The following PIK3C2A variants were observed in gnomAD, a reference collection of about 807,000 sequenced individuals.
PIK3C2A encodes phosphatidylinositol-4-phosphate 3-kinase catalytic subunit type 2 alpha.
Under a neutral mutation model 204.5 loss-of-function variants are expected in PIK3C2A, and 97 were observed. The ratio of observed to expected loss-of-function variants is 0.47; its 90% CI spans 0.40 to 0.56. The LOEUF (loss-of-function observed/expected upper bound fraction) is 0.56, where lower values mean the gene tolerates loss of function less well. Among genes scored for constraint, PIK3C2A ranks in the 20% least tolerant of loss-of-function variants. The probability of loss-of-function intolerance (pLI) is 0.00; values close to 1 mark genes in which losing one functional copy is unlikely to be tolerated. For synonymous variants in PIK3C2A, 653 were observed against 664.4 expected, an observed-to-expected ratio of 0.98 and a Z score of 0.26; for missense variants, 1,735 against 1,969.2, an observed-to-expected ratio of 0.88 and a Z score of 2.25.
At chr11:17,179,260 C>T (rs1490173781) in intron 1 of PIK3C2A, among the ~76,000 whole-genome samples, 1 of 152,130 alleles carries the variant, frequency 6.6e-6, no homozygotes. Flanking sequence ...CTCCTGGGCT[C>T]AAGCAATCCT....
chr11:17,169,663 C>A lies in PIK3C2A; in HGVS notation c.79G>T (p.Asp27Tyr). 6.2e-7 allele frequency: 1 copy of A among 1,612,838 alleles called. No homozygotes were observed. The highest frequency in any genetic ancestry group is 8.5e-7 in the Non-Finnish European group (1 of 1,179,978). ...TCCATCTGTAATGCTTCTTCTTTGT[C>A]CACATCTTTTGCTCTTGTTGGTTCC... ...HPEPTRAKDVDKEEALQMEAE... is the reference protein window; with the variant it reads ...HPEPTRAKDVYKEEALQMEAE... The change falls in exon 2 of 33, where the codon GAC (aspartate) becomes TAC (tyrosine). Residue 27 changes from aspartate (D) to tyrosine (Y), a missense_variant. Transcript: ENST00000691414.
At chr11:17,098,146 G>A (rs891672320) in intron 26 of PIK3C2A, among the ~76,000 whole-genome samples, 1 of 152,234 alleles carries the variant, frequency 6.6e-6, no homozygotes, top group Non-Finnish European at 1.5e-5. Flanking sequence ...GAAAGAAGAA[G>A]GATATTCAAA....
intron 1 of PIK3C2A, among the ~76,000 whole-genome samples, chr11:17,180,785 G>C (rs566383025): frequency 1.3e-5 from 2 of 152,286 alleles, no homozygotes; most frequent in South Asian, 4.1e-4. Context: ...TTGTGCCACT[G>C]CATTCCAGCG....
chr11:17,103,309 T>A (rs1433135059), intron 23 of PIK3C2A, among the ~76,000 whole-genome samples: 1 of 152,108 alleles, frequency 6.6e-6, no homozygotes, highest in African/African-American at 2.4e-5. Flanking sequence ...TTGTTTCCCA[T>A]GTGGTGATTC....
intron 1 of PIK3C2A, among the ~76,000 whole-genome samples, chr11:17,180,521 CAAA>C (rs1251030791): frequency 1.5e-5 from 2 of 131,718 alleles, no homozygotes; most frequent in Non-Finnish European, 3.2e-5. Context: ...ACAACAACAA[CAAA>C]AAACAAAAAA....
chr11:17,200,922 C>G (rs990056154), intron 1 of PIK3C2A, among the ~76,000 whole-genome samples: 4 of 152,170 alleles, frequency 2.6e-5, no homozygotes, highest in African/African-American at 9.6e-5. Flanking sequence ...CTAGGCGATT[C>G]AAGCCGGGCA....
chr11:17,135,272 A>C, intron 9 of PIK3C2A, 113 bp from the exon 10 acceptor site: 1 of 943,724 alleles, frequency 1.1e-6, no homozygotes, highest in Non-Finnish European at 1.7e-6. Flanking sequence ...AAGTATCTAC[A>C]GAATTAATAA....
intron 2 of PIK3C2A, among the ~76,000 whole-genome samples, chr11:17,165,200 A>G (rs1033115059): frequency 1.2e-4 from 18 of 152,158 alleles, no homozygotes; most frequent in Admixed American, 3.9e-4. Context: ...TCCCAACTTT[A>G]TAGGCTCCTG....
Position 17,150,633 on chromosome 11 carries a change from T to C in PIK3C2A, c.1192A>G (p.Thr398Ala), listed in dbSNP as rs746844466. 1.9e-6 allele frequency: 3 copies of C among 1,597,468 alleles called. No homozygotes were observed. Among genetic ancestry groups the C allele is most frequent in the Middle Eastern group, 1.7e-4 (1 of 6,014 alleles). ...ITKLKTKFPY[T>A]NHRTNPGYLL... ...TAGCCTGGGTTTGTGCGGTGATTGG[T>C]ATATGGAAATTTGGTCTTCAATCTG... Residue 398 changes from threonine to alanine, a missense_variant, in exon 4 of 33, where the codon ACC becomes GCC. Transcript: ENST00000691414.
intron 8 of PIK3C2A, chr11:17,138,325 CTTTT>C (rs61085828): frequency 2.4e-3 from 852 of 349,696 alleles, no homozygotes; most frequent in South Asian, 3.9e-3. Context: ...AGCCAGCTTC[CTTTT>C]TTTTTTTTTT....
At chr11:17,129,024 A>G (rs893748774) in intron 13 of PIK3C2A, among the ~76,000 whole-genome samples, 1 of 152,244 alleles carries the variant, frequency 6.6e-6, no homozygotes, top group African/African-American at 2.4e-5. Flanking sequence ...GTAGTACTTT[A>G]TATAAACGAC....
intron 23 of PIK3C2A, 31 bp from the exon 24 acceptor site, chr11:17,102,862 A>G (rs1343206167): frequency 7.0e-7 from 1 of 1,426,024 alleles, no homozygotes; most frequent in African/African-American, 1.4e-5. Context: ...TATTTTAGAA[A>G]ATGAATTATT....
At chr11:17,204,302 C>G (rs1217266360) in intron 1 of PIK3C2A, 1 of 152,148 alleles carries the variant, frequency 6.6e-6, no homozygotes, top group Non-Finnish European at 1.5e-5. Context: ...TGTAAAATCT[C>G]CTACCTATGT....
In PIK3C2A at chr11:17,162,446, A is replaced by G. The variant is rs1221427053; in HGVS notation, c.1065+6231T>C. ...TCAAATAATTGTGTTTACAACTGTT[A>G]AATTTAGCCTAAACCTGCCTCCTAA... On this transcript the variant is annotated intron_variant, in intron 2 of 32. Transcript: ENST00000691414. 2.0e-5 allele frequency among the ~76,000 whole-genome samples: 3 copies of G among 152,200 alleles called. No homozygotes were observed. The South Asian group carries it at 6.2e-4, about 31-fold the overall frequency.
intron 31 of PIK3C2A, 39 bp downstream of exon 31, chr11:17,091,508 G>C (rs371518260): frequency 6.8e-6 from 11 of 1,610,304 alleles, no homozygotes; most frequent in Non-Finnish European, 8.5e-7. Context: ...ACCAAGGTAA[G>C]GGTTTCCTCT....
intron 1 of PIK3C2A, among the ~76,000 whole-genome samples, chr11:17,188,659 C>T (rs752928137): frequency 6.8e-6 from 1 of 147,044 alleles, no homozygotes; most frequent in Non-Finnish European, 1.5e-5. Context: ...CTGTACCCAT[C>T]TACCAACTCT....
intron 8 of PIK3C2A, among the ~76,000 whole-genome samples, chr11:17,144,027 A>G (rs1261899361): frequency 6.6e-6 from 1 of 152,150 alleles, no homozygotes; most frequent in Non-Finnish European, 1.5e-5. Context: ...TAGACTGGAT[A>G]TGGTCTCCTG....
chr11:17,102,811 A>G lies in PIK3C2A; in HGVS notation c.3702T>C (p.Tyr1234=), dbSNP rs1411379095. ...EYEKASENFI[Y]SCAGCCVATY... ...TGGCTACACAGCATCCAGCACAGGAATAGATAAAGTTCTCTGAAGCCTATA... is the reference window on the plus strand; with the variant it reads ...TGGCTACACAGCATCCAGCACAGGAGTAGATAAAGTTCTCTGAAGCCTATA... The change falls in exon 24 of 33, where the codon TAT becomes TAC. Residue 1234 remains tyrosine (Y), a synonymous_variant. Transcript: ENST00000691414. The G allele has an allele frequency of 1.2e-6, 2 of 1,602,044 alleles. No individual in the cohort carries two copies. Among genetic ancestry groups the G allele is most frequent in the East Asian group, 4.5e-5 (2 of 44,786 alleles).
Position 17,136,541 on chromosome 11 carries a change from T to C in PIK3C2A, c.1789A>G (p.Thr597Ala), listed in dbSNP as rs1389702213. The stretch of plus-strand genomic sequence containing the variant: ...CTCTTTAGCTTCTTTACTGATTCTG[T>C]AATGGCAAGAGTCTCGACACCATCT... The part of the protein sequence containing the change: ...ALDGVETLAI[T>A]ESVKKLKRAV... Residue 597 changes from threonine (T) to alanine (A), a missense_variant, in exon 9 of 33, where the codon ACA (threonine) becomes GCA (alanine). Around this residue, in one of 6 missense-constraint regions of PIK3C2A, gnomAD observed 106 missense variants for 108.2 expected, o/e 0.98. Transcript: ENST00000691414. 15 of 1,607,204 alleles carry C rather than the reference T, an allele frequency of 9.3e-6. No individual in the cohort carries two copies. The highest frequency in any genetic ancestry group is 1.2e-5 in the Non-Finnish European group (14 of 1,173,910).
Sources: gnomAD v4.1 joint callset for allele counts (sites outside exome capture counted in the v4.1 genomes callset) on GRCh38, gnomAD v4.1.1 for gene constraint, gnomAD v4.1.1 regional missense constraint, MANE v1.5 for transcripts, NCBI Gene and HGNC (gene_info 2026-07-23, HGNC 2026-07-21) for gene names.